The following SLC8A1 variants were observed in gnomAD, a reference collection of about 807,000 sequenced individuals.
SLC8A1 encodes solute carrier family 8 member A1.
A neutral mutation model predicts 68.3 loss-of-function variants in SLC8A1; 18 were observed. The ratio of observed to expected loss-of-function variants is 0.26; its 90% CI spans 0.18 to 0.39. The LOEUF (loss-of-function observed/expected upper bound fraction) is 0.39, where lower values mean the gene tolerates loss of function less well. Ranked by LOEUF, SLC8A1 falls within the 10% of genes least tolerant of loss-of-function variation. SLC8A1 has a pLI of 1.00. For missense variants in SLC8A1, 985 were observed against 1,156.7 expected, an observed-to-expected ratio of 0.85 and a Z score of 2.15; for synonymous variants, 475 against 415.5, an observed-to-expected ratio of 1.14 and a Z score of -1.74.
At chr2:40,159,830 T>C (rs555280750) in intron 6 of SLC8A1, among the ~76,000 whole-genome samples, 60 of 152,292 alleles carry the variant, frequency 3.9e-4, no homozygotes, top group African/African-American at 1.3e-3. Flanking sequence ...CTCACAGCAC[T>C]TGGGAGATGT....
At chr2:40,139,659 C>A in exon 7 of SLC8A1, 1 of 1,613,854 alleles carries the variant, frequency 6.2e-7, no homozygotes, top group Non-Finnish European at 8.5e-7. Flanking sequence ...CCACATTCAT[C>A]GTCGTCATCA....
Position 40,122,234 on chromosome 2 carries a change from G to A in SLC8A1, c.2438-6605C>T, listed in dbSNP as rs768160019. On this transcript the variant is annotated intron_variant, in intron 7 of 7. Transcript: ENST00000406785. ...CACACACACACACACACGTGTGCGC[G>A]CGCACACACACACACACACTTCACT... is the stretch of plus-strand genomic sequence containing the variant. 4.2e-3 allele frequency among the ~76,000 whole-genome samples: 555 copies of A among 132,806 alleles called. 2 individuals carry two copies. Among genetic ancestry groups the A allele is most frequent in the Non-Finnish European group, 6.1e-3 (369 of 60,328 alleles). The allele number at this position is 132,806 out of a possible 152,430, so 87.1% of individuals were successfully genotyped here.
intron 1 of SLC8A1, among the ~76,000 whole-genome samples, chr2:40,486,639 T>G (rs1368880757): frequency 6.6e-6 from 1 of 152,084 alleles, no homozygotes; most frequent in Non-Finnish European, 1.5e-5. Context: ...AAAGAATGGG[T>G]AGAAAAAGGG....
At chr2:40,502,023 T>G (rs1706088842) in intron 1 of SLC8A1, among the ~76,000 whole-genome samples, 1 of 151,984 alleles carries the variant, frequency 6.6e-6, no homozygotes, top group Non-Finnish European at 1.5e-5. Context: ...CACAAGAATT[T>G]AAATCTCCCC....
intron 2 of SLC8A1, among the ~76,000 whole-genome samples, chr2:40,194,516 A>C (rs1035456657): frequency 7.2e-6 from 1 of 138,622 alleles, no homozygotes; most frequent in Non-Finnish European, 1.6e-5. Context: ...TGCGCGCGCA[A>C]AGAAAACGAG....
chr2:40,205,563 C>A (rs430394), intron 2 of SLC8A1, among the ~76,000 whole-genome samples: 1 of 151,862 alleles, frequency 6.6e-6, no homozygotes, highest in Admixed American at 6.6e-5. Flanking sequence ...AACCAAACAC[C>A]GCAGGTTCTC....
At chr2:40,410,568 ATTCTT>A (rs1464296659) in intron 2 of SLC8A1, among the ~76,000 whole-genome samples, 1 of 152,076 alleles carries the variant, frequency 6.6e-6, no homozygotes, top group African/African-American at 2.4e-5. Flanking sequence ...TTTAAAATGT[ATTCTT>A]TTATTTTTTA....
chr2:40,167,237 A>G (rs1350610757), intron 4 of SLC8A1, among the ~76,000 whole-genome samples: 1 of 152,202 alleles, frequency 6.6e-6, no homozygotes, highest in Non-Finnish European at 1.5e-5. Flanking sequence ...GTCTGTAACT[A>G]GTTCCTAGTA....
rs141936116 is a variant in SLC8A1 at position 40,218,920 on chromosome 2, C to T, written c.1809-41065G>A. On this transcript the variant is annotated intron_variant, in intron 2 of 7. Transcript: ENST00000406785. ...GCCCAACGTTTGTGGCAGGGAGTTA[C>T]CCCTGAGTGCTTTTTTTAACTTACA... Among the ~76,000 whole-genome samples, 259 of 152,152 alleles carry T rather than the reference C, an allele frequency of 1.7e-3. 2 individuals carry two copies. The highest frequency in any genetic ancestry group is 5.7e-3 in the African/African-American group (238 of 41,524).
At chr2:40,107,468 G>C (rs2034289103) in exon 8 of SLC8A1, 1 of 151,788 alleles carries the variant, frequency 6.6e-6, no homozygotes. Context: ...GCAATTAAAA[G>C]TCAGAAAGAA....
At chr2:40,117,907 TAGGCTACTAAA>T (rs1254037055) in intron 7 of SLC8A1, among the ~76,000 whole-genome samples, 1 of 152,204 alleles carries the variant, frequency 6.6e-6, no homozygotes, top group Admixed American at 6.5e-5. Flanking sequence ...GAAGGCTTTT[TAGGCTACTAAA>T]AGGCTACTGC....
At chr2:40,303,741 A>G (rs192586967) in intron 2 of SLC8A1, among the ~76,000 whole-genome samples, 46 of 152,286 alleles carry the variant, frequency 3.0e-4, no homozygotes, top group Non-Finnish European at 5.6e-4. Context: ...AGACTGAGCC[A>G]CTGTCCTCCT....
At chr2:40,254,086 C>T (rs1270925087) in intron 2 of SLC8A1, among the ~76,000 whole-genome samples, 1 of 152,080 alleles carries the variant, frequency 6.6e-6, no homozygotes, top group African/African-American at 2.4e-5. Context: ...TCTAATTACC[C>T]TGATTTGATC....
chr2:40,160,739 T>G (rs761605133), intron 6 of SLC8A1, 26 bp downstream of exon 9: 2 of 1,600,382 alleles, frequency 1.2e-6, no homozygotes, highest in Non-Finnish European at 1.7e-6. Context: ...AATTTTAATT[T>G]ATAATATGCA....
intron 2 of SLC8A1, among the ~76,000 whole-genome samples, chr2:40,274,252 T>TG (rs1175130249): frequency 2.7e-5 from 4 of 150,122 alleles, no homozygotes; most frequent in Non-Finnish European, 5.9e-5. Context: ...GTACAGCATC[T>TG]TATCATATTT....
In SLC8A1 at chr2:40,432,443, ACG is replaced by A. The variant is rs1364719108; in HGVS notation, c.-24-2141_-24-2140del. ...TGTGTGTATGTGTCAGTGTGTATAC[ACG>A]TGGGATGCATGATTTCATACTAGAT... is the stretch of plus-strand genomic sequence containing the variant. On this transcript the variant is annotated intron_variant, in intron 1 of 7. Coordinates refer to ENST00000406785, the Ensembl canonical transcript of SLC8A1. Among the ~76,000 whole-genome samples, 15 of 89,872 alleles carry A rather than the reference ACG, an allele frequency of 1.7e-4. No individual in the cohort carries two copies. In the East Asian group the frequency reaches 3.4e-3, roughly 21 times the overall value. The allele number at this position is 89,872 out of a possible 152,430, so 59.0% of individuals were successfully genotyped here.
intron 2 of SLC8A1, among the ~76,000 whole-genome samples, chr2:40,369,677 C>A (rs535603282): frequency 6.6e-6 from 1 of 152,014 alleles, no homozygotes; most frequent in South Asian, 2.1e-4. Context: ...CCATGGAGTA[C>A]GCAGGGAGCA....
At chr2:40,394,223 G>C (rs976040846) in intron 2 of SLC8A1, among the ~76,000 whole-genome samples, 2 of 152,040 alleles carry the variant, frequency 1.3e-5, no homozygotes, top group African/African-American at 4.8e-5. Context: ...AGAACTATGT[G>C]TCCAACACGG....
intron 2 of SLC8A1, among the ~76,000 whole-genome samples, chr2:40,226,620 A>G (rs1221329438): frequency 2.0e-5 from 3 of 152,164 alleles, no homozygotes; most frequent in Non-Finnish European, 4.4e-5. Context: ...CTAGAGGCAG[A>G]AGAGAAGAGC....
Sources: gnomAD v4.1 joint callset for allele counts (sites outside exome capture counted in the v4.1 genomes callset) on GRCh38, gnomAD v4.1.1 for gene constraint, MANE v1.5 for transcripts, NCBI Gene and HGNC (gene_info 2026-07-23, HGNC 2026-07-21) for gene names.